The following ZNF324B variants were observed in gnomAD, a reference collection of about 807,000 sequenced individuals.
ZNF324B encodes the protein zinc finger protein 324B.
A neutral mutation model predicts 10.6 loss-of-function variants in ZNF324B; 7 were observed. The ratio of observed to expected loss-of-function variants is 0.66; its 90% CI spans 0.38 to 1.24. The LOEUF (loss-of-function observed/expected upper bound fraction) is 1.24, where lower values mean the gene tolerates loss of function less well. Ranked by LOEUF, ZNF324B falls within the 50% of genes most tolerant of loss-of-function variation. The pLI is 0.02. For synonymous variants in ZNF324B, 316 were observed against 321.0 expected (o/e 0.98, Z 0.17); for missense variants, 640 against 764.7 (o/e 0.84, Z 1.92).
Position 58,456,450 on chromosome 19 carries a change from C to G in ZNF324B, c.1506C>G (p.Ile502Met), listed in dbSNP as rs2052923544. 1 of 1,613,826 alleles carries G rather than the reference C, an allele frequency of 6.2e-7. No homozygotes were observed. Among genetic ancestry groups the G allele is most frequent in the Non-Finnish European group, 8.5e-7 (1 of 1,180,036 alleles). ...CTGCCCTCTTGCACCACCAGAGGAT[C>G]CACACCACAGAGAAGACCAATGCCG... is the stretch of plus-strand genomic sequence containing the variant. ...ERPALLHHQR[I>M]HTTEKTNAAA... Residue 502 changes from isoleucine to methionine, a missense_variant, in exon 4 of 4, where the codon ATC becomes ATG. By Grantham distance (10) the Ile-to-Met change is conservative. Transcript: ENST00000336614. The surrounding 1 kb of genome is among the most constrained non-coding windows in gnomAD (Gnocchi z 4.7).
the ZNF324B span, chr19:58,440,534 A>G: frequency 6.6e-6 from 1 of 152,342 alleles, no homozygotes; most frequent in African/African-American, 2.4e-5. Context: ...CAGGCGAGGG[A>G]CGGAATCTTG....
At chr19:58,437,735 G>A in the ZNF324B span, 1 of 985,350 alleles carries the variant, frequency 1.0e-6, no homozygotes, top group Non-Finnish European at 1.2e-6. Context: ...CCTGACAGAT[G>A]CAACCGGGAT....
the ZNF324B span, chr19:58,439,783 T>TGGCAACCCC: frequency 8.4e-6 from 13 of 1,546,348 alleles, no homozygotes; most frequent in African/African-American, 1.8e-4. Flanking sequence ...TCAGCAACGC[T>TGGCAACCCC]GGCAACCCCA....
Position 58,456,153 on chromosome 19 carries a change from T to G in ZNF324B, c.1209T>G (p.Gly403=). ...AGCCCTTCGTATGCGCGCTCTGCGG[T>G]GCTGCCTTCAGCCAGGGCTCCTCGC... The part of the protein sequence containing the change: ...GEKPFVCALC[G]AAFSQGSSLF... Residue 403 remains glycine, a synonymous_variant, in exon 4 of 4, where the codon GGT becomes GGG. Coordinates refer to ENST00000336614, the MANE Select transcript of ZNF324B (RefSeq NM_207395.3). The surrounding 1 kb of genome is among the most constrained non-coding windows in gnomAD (Gnocchi z 4.7). The G allele has an allele frequency of 6.2e-7, 1 of 1,612,918 alleles. No homozygotes were observed. The highest frequency in any genetic ancestry group is 8.5e-7 in the Non-Finnish European group (1 of 1,179,698).
At chr19:58,436,740 C>T in the ZNF324B span, among the ~76,000 whole-genome samples, 933 of 149,720 alleles carry the variant, frequency 6.2e-3, 11 homozygotes, top group African/African-American at 0.022. Flanking sequence ...GGCATGACCT[C>T]ATACTGGGTA....
the ZNF324B span, chr19:58,439,961 T>C: frequency 7.9e-6 from 6 of 756,780 alleles, no homozygotes; most frequent in African/African-American, 1.1e-4. Flanking sequence ...AGGCTGGGTA[T>C]GGAGACCCTG....
the ZNF324B span, chr19:58,434,520 C>T: frequency 1.2e-6 from 2 of 1,614,070 alleles, no homozygotes; most frequent in Non-Finnish European, 1.7e-6. Context: ...ATTTCTGGTG[C>T]TTCCTCAGCT....
the ZNF324B span, chr19:58,434,477 C>A: frequency 4.4e-4 from 713 of 1,614,240 alleles, 7 homozygotes; most frequent in East Asian, 0.013. Context: ...TTCCCACATG[C>A]AATGCACTCA....
At position 58,455,589 on chromosome 19, in the gene ZNF324B, C is replaced by T; in HGVS notation, c.645C>T (p.Ala215=). The part of the protein sequence containing the change: ...RAFGNASDLK[A]ASGGRDRRMG... ...TCGGGAATGCCTCGGACCTGAAGGC[C>T]GCCAGTGGTGGCAGGGATCGCAGAA... The change falls in exon 4 of 4, where the codon GCC becomes GCT. Residue 215 remains alanine (A), a synonymous_variant. Transcript: ENST00000336614. This position sits in a 1 kb window ranked among gnomAD's most constrained non-coding sequence, Gnocchi z 7.0. 1.9e-6 allele frequency: 3 copies of T among 1,614,068 alleles called. No individual in the cohort carries two copies. The highest frequency in any genetic ancestry group is 2.2e-5 in the East Asian group (1 of 44,882).
chr19:58,432,406 G>A, the ZNF324B span: 1 of 453,284 alleles, frequency 2.2e-6, no homozygotes, highest in South Asian at 1.6e-5. Context: ...GGGAACTATG[G>A]CTATTCCTTT....
In ZNF324B at chr19:58,455,020, G is replaced by A. The variant is rs764259656; in HGVS notation, c.239-163G>A. 3 of 943,168 alleles carry A rather than the reference G, an allele frequency of 3.2e-6. No homozygotes were observed. Among genetic ancestry groups the A allele is most frequent in the South Asian group, 1.4e-5 (1 of 73,172 alleles). The allele number at this position is 943,168 out of a possible 1,614,324, so 58.4% of individuals were successfully genotyped here. ...CAGTGCCACACCTGTCAGGGCAGAT[G>A]CTTCCTCCAAACCCCAGCCCCTCCT... On this transcript the variant is annotated intron_variant, in intron 3 of 3. Coordinates refer to ENST00000336614, the MANE Select transcript of ZNF324B (RefSeq NM_207395.3). The surrounding 1 kb of genome is among the most constrained non-coding windows in gnomAD (Gnocchi z 7.0).
chr19:58,422,754 G>A, the ZNF324B span, among the ~76,000 whole-genome samples: 1 of 152,022 alleles, frequency 6.6e-6, no homozygotes, highest in Non-Finnish European at 1.5e-5. Flanking sequence ...GAGACCTTTG[G>A]ATTCATCCTC....
At position 58,453,572 on chromosome 19, in the gene ZNF324B, A is replaced by G. The variant is rs1599980391; in HGVS notation, c.-6-124A>G. On this transcript the variant is annotated intron_variant, in intron 1 of 3. Transcript: ENST00000336614. ...GGTGAGGGAAGTGCCACCTGAAGAT[A>G]ATCTCGGGGTGGAACCCAAGGAAGG... 2.2e-6 allele frequency: 3 copies of G among 1,339,584 alleles called. No individual in the cohort carries two copies. The South Asian group carries it at 3.7e-5, about 16-fold the overall frequency. The allele number at this position is 1,339,584 out of a possible 1,614,324, so 83.0% of individuals were successfully genotyped here.
At chr19:58,419,282 C>T in the ZNF324B span, 1 of 152,226 alleles carries the variant, frequency 6.6e-6, no homozygotes, top group South Asian at 2.1e-4. Flanking sequence ...GAGCTGTTTC[C>T]AGATTCAGCT....
At chr19:58,431,408 G>C in the ZNF324B span, among the ~76,000 whole-genome samples, 2 of 152,204 alleles carry the variant, frequency 1.3e-5, no homozygotes, top group Non-Finnish European at 2.9e-5. Flanking sequence ...TGAAACTGCT[G>C]TTCAGTGATG....
chr19:58,426,407 G>A, the ZNF324B span, among the ~76,000 whole-genome samples: 1 of 152,198 alleles, frequency 6.6e-6, no homozygotes, highest in East Asian at 1.9e-4. Flanking sequence ...TGTGTTGTCA[G>A]AAGTTCTGGT....
the ZNF324B span, chr19:58,429,099 G>A: frequency 1.3e-5 from 2 of 152,208 alleles, no homozygotes; most frequent in Non-Finnish European, 2.9e-5. Context: ...AGGCCTTAGG[G>A]CAACAAGACA....
chr19:58,423,394 T>C, the ZNF324B span, among the ~76,000 whole-genome samples: 1 of 152,146 alleles, frequency 6.6e-6, no homozygotes, highest in Non-Finnish European at 1.5e-5. Context: ...ACTCCTGACC[T>C]CGTGATCTGC....
chr19:58,442,723 T>G, the ZNF324B span: 6 of 152,364 alleles, frequency 3.9e-5, no homozygotes, highest in African/African-American at 1.4e-4. Context: ...TTACAGCTCG[T>G]AAAGGTGGCG....
Sources: gnomAD v4.1 joint callset for allele counts (sites outside exome capture counted in the v4.1 genomes callset) on GRCh38, gnomAD v4.1.1 for gene constraint, Gnocchi (gnomAD v3.1) non-coding constraint, MANE v1.5 for transcripts, NCBI Gene and HGNC (gene_info 2026-07-23, HGNC 2026-07-21) for gene names.